The following NR2C2 variants were observed in gnomAD, a reference collection of about 807,000 sequenced individuals.
NR2C2 encodes the protein Nuclear hormone receptor TR4.
Under a neutral mutation model 62.9 loss-of-function variants are expected in NR2C2, and 6 were observed. The observed-to-expected ratio is 0.10, with a 90% confidence interval of 0.05 to 0.19. The LOEUF (loss-of-function observed/expected upper bound fraction) is 0.19. Ranked by LOEUF, NR2C2 falls within the 10% of genes least tolerant of loss-of-function variation. The pLI is 1.00. For missense variants in NR2C2, 479 were observed against 762.7 expected (o/e 0.63, Z 4.38); for synonymous variants, 272 against 273.8 (o/e 0.99, Z 0.07).
chr3:15,013,736 G>A lies in NR2C2; in HGVS notation c.220G>A (p.Ala74Thr), dbSNP rs760009312. Residue 74 changes from alanine to threonine, a missense_variant, in exon 3 of 14, where the codon GCC (alanine) becomes ACC (threonine). Transcript: ENST00000425241. The stretch of plus-strand genomic sequence containing the variant: ...CCTGGCTTCCCCAGAGACATCCAGC[G>A]CCAAGCAACTCATATTCACCACCTC... Reference protein sequence around the residue: ...VILASPETSSAKQLIFTTSDN... With the variant: ...VILASPETSSTKQLIFTTSDN... The A allele has an allele frequency of 1.4e-5, 23 of 1,614,058 alleles. No homozygotes were observed. Among genetic ancestry groups the A allele is most frequent in the Middle Eastern group, 1.6e-4 (1 of 6,084 alleles).
chr3:14,956,809 G>A (rs913636935), intron 1 of NR2C2, among the ~76,000 whole-genome samples: 7 of 152,184 alleles, frequency 4.6e-5, no homozygotes, highest in Admixed American at 3.9e-4. Flanking sequence ...CCAGAGTGCT[G>A]GGATTACAGG....
chr3:15,001,174 C>G (rs2040982788), intron 1 of NR2C2, among the ~76,000 whole-genome samples: 1 of 151,930 alleles, frequency 6.6e-6, no homozygotes, highest in Non-Finnish European at 1.5e-5. Flanking sequence ...TCAAATCTTG[C>G]ATTTCTTTTG....
At chr3:15,017,157 G>A (rs2041533828) in intron 4 of NR2C2, among the ~76,000 whole-genome samples, 2 of 152,114 alleles carry the variant, frequency 1.3e-5, no homozygotes, top group Non-Finnish European at 2.9e-5. Context: ...AAGCCTCTTA[G>A]GAAGACAGCC....
intron 3 of NR2C2, 62 bp from the exon 4 acceptor site, chr3:15,016,090 C>T: frequency 7.6e-7 from 1 of 1,309,692 alleles, no homozygotes; most frequent in Non-Finnish European, 1.1e-6. Flanking sequence ...ACGTGAGCCA[C>T]CGTGCCCGGC....
At chr3:14,986,918 G>A (rs2040529334) in intron 1 of NR2C2, among the ~76,000 whole-genome samples, 1 of 152,118 alleles carries the variant, frequency 6.6e-6, no homozygotes, top group Non-Finnish European at 1.5e-5. Flanking sequence ...GGATGATTCA[G>A]GTTAGCTTTG....
Position 15,024,104 on chromosome 3 carries a change from G to A in NR2C2, c.705-11G>A, listed in dbSNP as rs2041754287. Reference sequence around the variant, plus strand: ...TGGAAGCTACTCTGAGTTTCTTTATGTCTTAAATAGACAAACAGGTCTTCT... The same window carrying A: ...TGGAAGCTACTCTGAGTTTCTTTATATCTTAAATAGACAAACAGGTCTTCT... On this transcript the variant is annotated splice_polypyrimidine_tract_variant and intron_variant, in intron 6 of 13. Coordinates refer to ENST00000425241, the MANE Select transcript of NR2C2 (RefSeq NM_001291694.2). 6.3e-7 allele frequency: 1 copy of A among 1,599,452 alleles called. No individual in the cohort carries two copies. The highest frequency in any genetic ancestry group is 1.3e-5 in the African/African-American group (1 of 74,650).
Position 15,043,104 on chromosome 3 carries a change from CAT to C in NR2C2, c.*99_*100del. The stretch of plus-strand genomic sequence containing the variant: ...GTATTTTGGTATGTGCAAATATTTC[CAT>C]ATGTTAGCCATTTCCTGTCTGGTTT... On this transcript the variant is annotated 3_prime_UTR_variant, in exon 14 of 14. Transcript: ENST00000425241. 2 of 1,178,538 alleles carry C rather than the reference CAT, an allele frequency of 1.7e-6. No individual in the cohort carries two copies. Among genetic ancestry groups the C allele is most frequent in the Non-Finnish European group, 2.3e-6 (2 of 868,192 alleles). The allele number at this position is 1,178,538 out of a possible 1,614,324, so 73.0% of individuals were successfully genotyped here. A position where few individuals can be genotyped will look rare whatever the true frequency, so the allele number is the denominator to read the frequency against.
intron 1 of NR2C2, among the ~76,000 whole-genome samples, chr3:14,989,623 A>G (rs975033388): frequency 9.2e-5 from 14 of 152,010 alleles, no homozygotes; most frequent in African/African-American, 3.4e-4. Context: ...CCCTGTGTCT[A>G]CAAAAACTAA....
chr3:15,031,738 T>A (rs551860887), intron 9 of NR2C2, among the ~76,000 whole-genome samples: 8 of 149,456 alleles, frequency 5.4e-5, no homozygotes, highest in Admixed American at 2.0e-4. Flanking sequence ...TTACCCAGAT[T>A]TTTTTTTTTT....
chr3:14,974,719 T>C (rs1427692729), intron 1 of NR2C2, among the ~76,000 whole-genome samples: 1 of 151,916 alleles, frequency 6.6e-6, no homozygotes, highest in Non-Finnish European at 1.5e-5. Flanking sequence ...TTCTCCTGCC[T>C]CAGCCTCCCA....
chr3:14,986,837 A>C (rs923555501), intron 1 of NR2C2, among the ~76,000 whole-genome samples: 6 of 152,254 alleles, frequency 3.9e-5, no homozygotes, highest in African/African-American at 1.4e-4. Flanking sequence ...GGAAATTGTT[A>C]ATAGGAGTGC....
Position 15,047,386 on chromosome 3 carries a change from A to AG in NR2C2, c.*4380dup, listed in dbSNP as rs1478704439. On this transcript the variant is annotated 3_prime_UTR_variant, in exon 14 of 14. Transcript: ENST00000425241. ...TATTCTCTAGGTTCGGACAAGAGCC[A>AG]GGAAGCTGGAAGACAGTTTATCTTA... The AG allele has an allele frequency of 6.6e-6, 1 of 152,252 alleles. No homozygotes were observed. Among genetic ancestry groups the AG allele is most frequent in the Non-Finnish European group, 1.5e-5 (1 of 68,046 alleles). 9.4% of individuals were successfully genotyped at this position (152,252 alleles called of 1,614,324 possible). A position where few individuals can be genotyped will look rare whatever the true frequency, so the allele number is the denominator to read the frequency against.
intron 10 of NR2C2, 115 bp from the exon 11 acceptor site, chr3:15,034,555 A>AT: frequency 9.4e-7 from 1 of 1,063,504 alleles, no homozygotes; most frequent in Non-Finnish European, 1.4e-6. Flanking sequence ...GCACTTCAAT[A>AT]AACACTTGCT....
At chr3:15,011,969 G>A (rs973935202) in intron 2 of NR2C2, among the ~76,000 whole-genome samples, 11 of 152,168 alleles carry the variant, frequency 7.2e-5, no homozygotes, top group Non-Finnish European at 1.5e-4. Flanking sequence ...TATTTATTCA[G>A]AGTTCATGGT....
chr3:14,962,026 C>A (rs1335539844), intron 1 of NR2C2, among the ~76,000 whole-genome samples: 1 of 152,170 alleles, frequency 6.6e-6, no homozygotes. Flanking sequence ...CAGAGTTGAT[C>A]TCACACCTTT....
intron 9 of NR2C2, 98 bp from the exon 10 acceptor site, chr3:15,032,281 G>A: frequency 6.5e-7 from 1 of 1,529,048 alleles, no homozygotes; most frequent in African/African-American, 1.4e-5. Flanking sequence ...AACTCTAGAT[G>A]CCACTGCTAT....
intron 1 of NR2C2, among the ~76,000 whole-genome samples, chr3:14,976,917 T>G (rs1466388238): frequency 1.3e-5 from 2 of 152,174 alleles, no homozygotes; most frequent in Non-Finnish European, 2.9e-5. Flanking sequence ...TAAGATCTTT[T>G]CTATTCTGTT....
intron 2 of NR2C2, among the ~76,000 whole-genome samples, chr3:15,010,335 G>A (rs902441062): frequency 6.6e-6 from 1 of 150,544 alleles, no homozygotes; most frequent in African/African-American, 2.5e-5. Flanking sequence ...GGATACGGAT[G>A]TCTTAGGAGG....
chr3:14,948,386 A>T (rs2039209627), intron 1 of NR2C2: 1 of 152,182 alleles, frequency 6.6e-6, no homozygotes, highest in African/African-American at 2.4e-5. Context: ...GTAAAAGAAA[A>T]GGAGGAAGGC....
Sources: gnomAD v4.1 joint callset for allele counts (sites outside exome capture counted in the v4.1 genomes callset) on GRCh38, gnomAD v4.1.1 for gene constraint, MANE v1.5 for transcripts, NCBI Gene and HGNC (gene_info 2026-07-23, HGNC 2026-07-21) for gene names.